TEC: variants seen among roughly 807,000 people sequenced by gnomAD.
The protein encoded by TEC is tyrosine-protein kinase Tec.
Under a neutral mutation model 93.0 loss-of-function variants are expected in TEC, and 72 were observed. The observed-to-expected ratio is 0.77, with a 90% confidence interval of 0.64 to 0.94. TEC has a LOEUF of 0.94. Among genes scored for constraint, TEC ranks in the 40% least tolerant of loss-of-function variants. The pLI, the probability that TEC is intolerant of heterozygous loss-of-function variation, is 0.00. For synonymous variants in TEC, 249 were observed against 247.7 expected, an observed-to-expected ratio of 1.01 and a Z score of -0.05; for missense variants, 630 against 757.9, an observed-to-expected ratio of 0.83 and a Z score of 1.98.
rs139839374 is a variant in TEC at position 48,152,156 on chromosome 4, C to T, written c.793-1214G>A. Reference sequence around the variant, plus strand: ...AAAGTATAACAGAGGCCGGACACAGCGGCTCATACCTGTAATCCCAGCACC... The same window carrying T: ...AAAGTATAACAGAGGCCGGACACAGTGGCTCATACCTGTAATCCCAGCACC... On this transcript the variant is annotated intron_variant, in intron 9 of 17. Coordinates refer to ENST00000381501, the MANE Select transcript of TEC (RefSeq NM_003215.3). Among the ~76,000 whole-genome samples the T allele has an allele frequency of 2.8e-4, 43 of 152,182 alleles. No homozygotes were observed. The East Asian group carries it at 6.6e-3, about 23-fold the overall frequency.
Position 48,142,238 on chromosome 4 carries a change from A to G in TEC, c.1471-819T>C, listed in dbSNP as rs140910088. ...GCAATCCCAACATTTTGGGAGGCTAAGGCGGGTGGATAACTTGAGGTCAGG... is the reference window on the plus strand; with the variant it reads ...GCAATCCCAACATTTTGGGAGGCTAGGGCGGGTGGATAACTTGAGGTCAGG... On this transcript the variant is annotated intron_variant, in intron 14 of 17. Transcript: ENST00000381501. 2.8e-3 allele frequency among the ~76,000 whole-genome samples: 433 copies of G among 152,308 alleles called. 4 individuals are homozygous for G. Among genetic ancestry groups the G allele is most frequent in the African/African-American group, 0.01 (418 of 41,574 alleles).
intron 1 of TEC, among the ~76,000 whole-genome samples, chr4:48,230,931 T>C (rs551073668): frequency 1.3e-5 from 2 of 152,366 alleles, no homozygotes; most frequent in East Asian, 3.9e-4. Flanking sequence ...CCATAATTTC[T>C]ATCACTCATC....
intron 3 of TEC, among the ~76,000 whole-genome samples, chr4:48,171,943 T>C (rs1721130938): frequency 6.6e-6 from 1 of 152,228 alleles, no homozygotes; most frequent in Admixed American, 6.5e-5. Context: ...TTTTTCTATT[T>C]TATAAATGAG....
intron 1 of TEC, among the ~76,000 whole-genome samples, chr4:48,262,388 G>A (rs1461879858): frequency 6.6e-6 from 1 of 151,442 alleles, no homozygotes; most frequent in African/African-American, 2.4e-5. Context: ...GTAAAGATGG[G>A]GTTTCACCAT....
intron 2 of TEC, among the ~76,000 whole-genome samples, chr4:48,208,382 A>G (rs1308969790): frequency 6.6e-6 from 1 of 152,184 alleles, no homozygotes; most frequent in East Asian, 1.9e-4. Context: ...GCGTGGCAAC[A>G]TACATGAATT....
chr4:48,212,504 T>C (rs574218935), intron 2 of TEC, among the ~76,000 whole-genome samples: 2 of 152,308 alleles, frequency 1.3e-5, no homozygotes, highest in African/African-American at 4.8e-5. Flanking sequence ...TTTCTTCACT[T>C]GTAAAATAGT....
chr4:48,196,582 C>G, intron 2 of TEC, among the ~76,000 whole-genome samples: 1 of 152,124 alleles, frequency 6.6e-6, no homozygotes, highest in East Asian at 1.9e-4. Context: ...AACCTAAAAG[C>G]GAGAGCCACT....
chr4:48,202,461 G>A (rs1722561788), intron 2 of TEC, among the ~76,000 whole-genome samples: 1 of 152,090 alleles, frequency 6.6e-6, no homozygotes, highest in Non-Finnish European at 1.5e-5. Context: ...AGCTACTTGG[G>A]AGTCTGAGGC....
At chr4:48,149,526 T>C in intron 11 of TEC, 31 bp downstream of exon 11, 3 of 1,561,670 alleles carry the variant, frequency 1.9e-6, no homozygotes, top group South Asian at 1.2e-5. Context: ...CACTACCTTA[T>C]ATTTGAAGTA....
chr4:48,201,308 A>G (rs1434364008), intron 2 of TEC, among the ~76,000 whole-genome samples: 1 of 152,144 alleles, frequency 6.6e-6, no homozygotes, highest in Non-Finnish European at 1.5e-5. Flanking sequence ...TGAATTTGAG[A>G]TACCTGTGAG....
intron 2 of TEC, among the ~76,000 whole-genome samples, chr4:48,210,567 G>A (rs1722871647): frequency 6.6e-6 from 1 of 151,998 alleles, no homozygotes; most frequent in South Asian, 2.1e-4. Flanking sequence ...CTAAAACTGA[G>A]AAAGCAACAC....
intron 2 of TEC, among the ~76,000 whole-genome samples, chr4:48,225,308 G>T (rs1348300273): frequency 6.6e-6 from 1 of 152,034 alleles, no homozygotes; most frequent in African/African-American, 2.4e-5. Flanking sequence ...CTGAGTAGCT[G>T]GGATTACAGG....
At chr4:48,257,290 G>C (rs768868173) in intron 1 of TEC, among the ~76,000 whole-genome samples, 1 of 152,174 alleles carries the variant, frequency 6.6e-6, no homozygotes, top group Non-Finnish European at 1.5e-5. Flanking sequence ...GTGGCTTACA[G>C]AATATTTCTG....
At chr4:48,206,622 G>A (rs552282812) in intron 2 of TEC, among the ~76,000 whole-genome samples, 1 of 152,060 alleles carries the variant, frequency 6.6e-6, no homozygotes, top group South Asian at 2.1e-4. Context: ...ACACACACCA[G>A]AGAAAGCAAT....
intron 2 of TEC, among the ~76,000 whole-genome samples, chr4:48,196,421 T>C (rs1722303341): frequency 6.6e-6 from 1 of 152,232 alleles, no homozygotes; most frequent in South Asian, 2.1e-4. Context: ...TTAAATGGGA[T>C]GAATAATAGC....
intron 1 of TEC, among the ~76,000 whole-genome samples, chr4:48,243,946 C>A (rs1723986912): frequency 7.0e-6 from 1 of 142,462 alleles, no homozygotes; most frequent in African/African-American, 2.7e-5. Flanking sequence ...TGCACATGTA[C>A]CCTAGAACTT....
chr4:48,258,280 T>C (rs1724397919), intron 1 of TEC, among the ~76,000 whole-genome samples: 1 of 152,048 alleles, frequency 6.6e-6, no homozygotes, highest in South Asian at 2.1e-4. Context: ...TAGCTGGCAT[T>C]ACAGGCATGC....
At chr4:48,186,982 G>C (rs535742185) in intron 2 of TEC, among the ~76,000 whole-genome samples, 2 of 152,254 alleles carry the variant, frequency 1.3e-5, no homozygotes, top group African/African-American at 4.8e-5. Context: ...CGTTTTTGTC[G>C]AATAGAAAAG....
At chr4:48,206,153 G>GT (rs35287107) in intron 2 of TEC, among the ~76,000 whole-genome samples, 94,105 of 151,946 alleles carry the variant, frequency 0.62, 29,221 homozygotes, top group Admixed American at 0.68. Context: ...AAGTAGATTA[G>GT]GGTTGCCAGG....
Sources: gnomAD v4.1 joint callset for allele counts (sites outside exome capture counted in the v4.1 genomes callset) on GRCh38, gnomAD v4.1.1 for gene constraint, MANE v1.5 for transcripts, NCBI Gene and HGNC (gene_info 2026-07-23, HGNC 2026-07-21) for gene names.